The following PATJ variants were observed in gnomAD, a reference collection of about 807,000 sequenced individuals.
The protein encoded by PATJ is inaD-like protein.
A neutral mutation model predicts 224.9 loss-of-function variants in PATJ; 190 were observed. The observed-to-expected ratio is 0.84, with a 90% CI of 0.75 to 0.95. The LOEUF is 0.95. PATJ is among the 40% of genes least tolerant of loss of function. The pLI is 0.00. For missense variants in PATJ, 2,121 were observed against 2,270.3 expected (o/e 0.93, Z 1.34); for synonymous variants, 769 against 820.3 (o/e 0.94, Z 1.07).
At chr1:62,137,988 T>TC (rs1667129010) in intron 41 of PATJ, among the ~76,000 whole-genome samples, 1 of 152,072 alleles carries the variant, frequency 6.6e-6, no homozygotes. Context: ...TCCACCTCTT[T>TC]CTTCAGGTCT....
chr1:61,805,564 T>A, intron 13 of PATJ, 40 bp downstream of exon 13: 1 of 1,188,232 alleles, frequency 8.4e-7, no homozygotes, highest in Non-Finnish European at 1.3e-6. Flanking sequence ...TCATGTCTCA[T>A]TTCACATCAA....
At chr1:61,784,036 C>T (rs1418090922) in intron 7 of PATJ, among the ~76,000 whole-genome samples, 4 of 151,654 alleles carry the variant, frequency 2.6e-5, no homozygotes, top group African/African-American at 7.3e-5. Flanking sequence ...CTGCCCACCT[C>T]GGCCTCCCAA....
chr1:62,105,961 A>T (rs986460369), intron 33 of PATJ, among the ~76,000 whole-genome samples: 4 of 144,014 alleles, frequency 2.8e-5, no homozygotes, highest in Non-Finnish European at 6.0e-5. Flanking sequence ...GTGCTATGGG[A>T]CATGCCTGTA....
At chr1:61,861,412 G>C in intron 18 of PATJ, 139 bp from the exon 19 acceptor site, 1 of 418,290 alleles carries the variant, frequency 2.4e-6, no homozygotes, top group Non-Finnish European at 4.4e-6. Flanking sequence ...GTGCATTGGT[G>C]ATTTACTGCA....
At chr1:61,949,206 G>T (rs1302910087) in intron 27 of PATJ, among the ~76,000 whole-genome samples, 1 of 150,470 alleles carries the variant, frequency 6.6e-6, no homozygotes, top group East Asian at 1.9e-4. Context: ...AGAACTTAAA[G>T]TATAATAATA....
At chr1:61,838,584 A>G (rs1456398675) in intron 17 of PATJ, among the ~76,000 whole-genome samples, 4 of 135,822 alleles carry the variant, frequency 2.9e-5, no homozygotes, top group Non-Finnish European at 6.1e-5. Flanking sequence ...GTTAGCCAGG[A>G]TGGTCTCGAT....
intron 26 of PATJ, among the ~76,000 whole-genome samples, chr1:61,917,147 T>C (rs1197743842): frequency 6.6e-6 from 1 of 152,100 alleles, no homozygotes; most frequent in Non-Finnish European, 1.5e-5. Context: ...CCTAGGCAAG[T>C]AGGGGGTTTG....
intron 41 of PATJ, among the ~76,000 whole-genome samples, chr1:62,139,399 CAAAAAAAAAAAAAAA>C (rs4019658): frequency 6.5e-4 from 62 of 94,884 alleles, no homozygotes; most frequent in Non-Finnish European, 7.1e-4. Context: ...GACTCCATCT[CAAAAAAAAAAAAAAA>C]AAAAAAAAAA....
rs12032240 is a variant in PATJ, at chr1:61,894,115, T to A, written c.3132-5468T>A. On this transcript the variant is annotated intron_variant, in intron 22 of 43. Transcript: ENST00000642238. Reference sequence around the variant, plus strand: ...ACTAAAAATACAAAATTAGCCGGGCTTGGTGGTGCATGCCTGTAATCCCAG... The same window carrying A: ...ACTAAAAATACAAAATTAGCCGGGCATGGTGGTGCATGCCTGTAATCCCAG... Among the ~76,000 whole-genome samples the A allele has an allele frequency of 9.3e-5, 14 of 151,262 alleles. No individual in the cohort carries two copies. In the East Asian group the frequency reaches 1.4e-3, roughly 15 times the overall value.
At chr1:61,774,780 G>C (rs144354922) in intron 6 of PATJ, among the ~76,000 whole-genome samples, 134 of 152,072 alleles carry the variant, frequency 8.8e-4, no homozygotes, top group African/African-American at 2.8e-3. Context: ...ATTCTTCATT[G>C]GTTTTGACTT....
chr1:61,955,907 A>G (rs1680382086), intron 27 of PATJ, among the ~76,000 whole-genome samples: 1 of 152,174 alleles, frequency 6.6e-6, no homozygotes, highest in Admixed American at 6.5e-5. Context: ...TTGTACATCC[A>G]CTCATTGGAC....
intron 17 of PATJ, among the ~76,000 whole-genome samples, chr1:61,840,599 T>C (rs1177670871): frequency 2.0e-5 from 3 of 152,118 alleles, no homozygotes; most frequent in Non-Finnish European, 4.4e-5. Context: ...TTGGTACTTA[T>C]AGAGCTACCT....
chr1:62,160,520 T>C (rs1349762802), intron 43 of PATJ, among the ~76,000 whole-genome samples: 1 of 152,246 alleles, frequency 6.6e-6, no homozygotes, highest in Non-Finnish European at 1.5e-5. Context: ...ATGGTGGTAT[T>C]TGCAGTAAGA....
chr1:61,769,505 A>G, intron 5 of PATJ, 83 bp downstream of exon 5: 10 of 1,405,650 alleles, frequency 7.1e-6, no homozygotes, highest in Non-Finnish European at 9.8e-6. Context: ...AAAACTAGTA[A>G]TAAAAACAGT....
At chr1:62,143,742 G>A (rs1056128644) in intron 41 of PATJ, among the ~76,000 whole-genome samples, 3 of 152,032 alleles carry the variant, frequency 2.0e-5, no homozygotes, top group Admixed American at 6.6e-5. Flanking sequence ...GAGCCACCAC[G>A]CTGGCCTAAG....
chr1:62,086,491 G>A lies in PATJ; in HGVS notation c.4377+1843G>A, dbSNP rs1206944953. ...GAATATGTTTTAAATGAATATTTTG[G>A]TATTTCTTTTGCCCATTTTATTTAG... On this transcript the variant is annotated intron_variant, in intron 33 of 43. Coordinates refer to ENST00000642238, the MANE Select transcript of PATJ (RefSeq NM_001350145.3). The surrounding 1 kb of genome is among the most constrained non-coding windows in gnomAD (Gnocchi z 4.0). Among the ~76,000 whole-genome samples, 1 of 151,942 alleles carries A rather than the reference G, an allele frequency of 6.6e-6. No individual in the cohort carries two copies. Among genetic ancestry groups the A allele is most frequent in the Non-Finnish European group, 1.5e-5 (1 of 68,008 alleles).
intron 31 of PATJ, among the ~76,000 whole-genome samples, chr1:62,062,392 CTTT>C (rs60747316): frequency 0.017 from 479 of 28,368 alleles, 1 homozygote; most frequent in Non-Finnish European, 0.022. Flanking sequence ...ATGTTGTCTT[CTTT>C]TTTTTTTTTT....
intron 28 of PATJ, among the ~76,000 whole-genome samples, chr1:62,008,212 A>T (rs970240118): frequency 2.6e-5 from 4 of 152,166 alleles, no homozygotes; most frequent in Non-Finnish European, 5.9e-5. Context: ...CTGGAGTGTC[A>T]TGACAAGCAA....
At chr1:62,123,535 T>C (rs1470439873) in intron 39 of PATJ, among the ~76,000 whole-genome samples, 1 of 133,550 alleles carries the variant, frequency 7.5e-6, no homozygotes, top group Non-Finnish European at 1.5e-5. Context: ...TAGAGTGCAC[T>C]GGTGCGATCT....
Sources: gnomAD v4.1 joint callset for allele counts (sites outside exome capture counted in the v4.1 genomes callset) on GRCh38, gnomAD v4.1.1 for gene constraint, Gnocchi (gnomAD v3.1) non-coding constraint, MANE v1.5 for transcripts, NCBI Gene and HGNC (gene_info 2026-07-23, HGNC 2026-07-21) for gene names.